PCDH15: variants seen among roughly 807,000 people sequenced by gnomAD.
PCDH15 encodes protocadherin related 15.
PCDH15 carries 129 observed loss-of-function variants against 178.5 expected under a neutral mutation model. The observed-to-expected ratio is 0.72, with a 90% CI of 0.63 to 0.84. PCDH15 has a LOEUF of 0.84. Ranked by LOEUF, PCDH15 falls within the 40% of genes least tolerant of loss-of-function variation. The pLI is 0.00. For synonymous variants in PCDH15, 800 were observed against 732.0 expected (o/e 1.09, Z -1.50); for missense variants, 2,230 against 2,099.9 (o/e 1.06, Z -1.21).
chr10:54,587,777 G>A (rs369100693), intron 2 of PCDH15, among the ~76,000 whole-genome samples: 1 of 151,966 alleles, frequency 6.6e-6, no homozygotes, highest in Admixed American at 6.6e-5. Context: ...AATTAAGAGG[G>A]AATTGGCCAG....
intron 3 of PCDH15, among the ~76,000 whole-genome samples, chr10:54,449,881 T>C (rs1027968546): frequency 6.6e-6 from 1 of 151,620 alleles, no homozygotes; most frequent in African/African-American, 2.4e-5. Context: ...CCATGGATAC[T>C]GAGAGACAAA....
At chr10:54,565,632 GA>G (rs2088910695) in intron 2 of PCDH15, among the ~76,000 whole-genome samples, 1 of 152,194 alleles carries the variant, frequency 6.6e-6, no homozygotes, top group Admixed American at 6.5e-5. Context: ...CTGGAATTAT[GA>G]AAATATTTTA....
intron 2 of PCDH15, among the ~76,000 whole-genome samples, chr10:55,035,489 A>T (rs538630809): frequency 2.0e-5 from 3 of 152,144 alleles, no homozygotes; most frequent in Non-Finnish European, 2.9e-5. Context: ...TTGAGACCCA[A>T]ATAAATTTGT....
intron 10 of PCDH15, among the ~76,000 whole-genome samples, chr10:54,207,365 T>C (rs1244578534): frequency 1.7e-4 from 4 of 23,926 alleles, no homozygotes; most frequent in Non-Finnish European, 2.1e-4. Flanking sequence ...TGTTTTGTTT[T>C]GTGTGTGTGT....
At chr10:54,126,624 T>A (rs1345288499) in intron 15 of PCDH15, among the ~76,000 whole-genome samples, 1 of 152,124 alleles carries the variant, frequency 6.6e-6, no homozygotes, top group Non-Finnish European at 1.5e-5. Flanking sequence ...AAACTAATGC[T>A]ACATTATAGG....
At chr10:53,888,067 AAAG>A (rs1417304201) in intron 26 of PCDH15, among the ~76,000 whole-genome samples, 2 of 151,704 alleles carry the variant, frequency 1.3e-5, no homozygotes, top group African/African-American at 4.8e-5. Context: ...GGGTTGTAAG[AAAG>A]AAGAGAATAT....
At chr10:54,714,149 TCAGA>T (rs1054787814) in intron 1 of PCDH15, among the ~76,000 whole-genome samples, 1 of 152,142 alleles carries the variant, frequency 6.6e-6, no homozygotes, top group African/African-American at 2.4e-5. Flanking sequence ...AAGAACAATG[TCAGA>T]CAGACTAAAG....
intron 14 of PCDH15, among the ~76,000 whole-genome samples, chr10:54,137,145 T>G (rs1304043963): frequency 2.6e-5 from 4 of 152,200 alleles, no homozygotes; most frequent in Admixed American, 2.0e-4. Context: ...ACAGCATCAT[T>G]TAAGCACTTA....
chr10:53,845,008 A>G (rs1360828851), intron 28 of PCDH15, among the ~76,000 whole-genome samples: 1 of 151,996 alleles, frequency 6.6e-6, no homozygotes, highest in East Asian at 1.9e-4. Context: ...CAGAATATAT[A>G]AGGAACTCAA....
chr10:54,718,461 C>T (rs1250638777), intron 1 of PCDH15, among the ~76,000 whole-genome samples: 13 of 151,940 alleles, frequency 8.6e-5, no homozygotes, highest in Admixed American at 8.5e-4. Flanking sequence ...AACCAAAGAA[C>T]TTATACAGAC....
rs573405883 is a variant in PCDH15 at position 53,961,235 on chromosome 10, T to TA, written c.3009+516_3009+517insT. ...ATTTTCTAGGATTGTAATATATCAA[T>TA]CTTATCTTAAAAAAGTGAGTAAGGG... On this transcript the variant is annotated intron_variant, in intron 22 of 37. Transcript: ENST00000644397. 2.2e-3 allele frequency among the ~76,000 whole-genome samples: 337 copies of TA among 152,090 alleles called. 2 individuals carry two copies. Among genetic ancestry groups the TA allele is most frequent in the African/African-American group, 7.6e-3 (315 of 41,532 alleles).
intron 1 of PCDH15, among the ~76,000 whole-genome samples, chr10:54,671,931 T>C (rs1053155508): frequency 1.3e-5 from 2 of 152,030 alleles, no homozygotes; most frequent in African/African-American, 2.4e-5. Context: ...GCAAGCAAAG[T>C]TTCATCTGTA....
chr10:53,808,476 ATAGGAAGGAT>A, intron 37 of PCDH15: 1 of 1,364,898 alleles, frequency 7.3e-7, no homozygotes. Flanking sequence ...ATTTACTAAT[ATAGGAAGGAT>A]TAGTCAGTTT....
intron 2 of PCDH15, among the ~76,000 whole-genome samples, chr10:55,406,970 G>T (rs188249314): frequency 2.0e-5 from 3 of 152,222 alleles, no homozygotes; most frequent in African/African-American, 7.2e-5. Context: ...AGTGATACAC[G>T]ATGCCAAATG....
intron 2 of PCDH15, among the ~76,000 whole-genome samples, chr10:55,615,901 C>A (rs1240659509): frequency 6.6e-6 from 1 of 151,936 alleles, no homozygotes; most frequent in Non-Finnish European, 1.5e-5. Flanking sequence ...GTCACATACA[C>A]AAAAGAAAAT....
intron 18 of PCDH15, among the ~76,000 whole-genome samples, chr10:54,052,497 T>C (rs1236977535): frequency 2.0e-5 from 3 of 152,232 alleles, no homozygotes; most frequent in Non-Finnish European, 4.4e-5. Flanking sequence ...AGCCCCTTTG[T>C]CTTGGCCAAT....
intron 2 of PCDH15, among the ~76,000 whole-genome samples, chr10:55,570,602 A>T (rs1842390888): frequency 6.6e-6 from 1 of 152,032 alleles, no homozygotes; most frequent in Non-Finnish European, 1.5e-5. Context: ...TCTGATTTAT[A>T]TATGACTTTT....
chr10:54,014,443 G>A (rs1589916768), intron 20 of PCDH15, among the ~76,000 whole-genome samples: 1 of 152,124 alleles, frequency 6.6e-6, no homozygotes, highest in Non-Finnish European at 1.5e-5. Context: ...ACCAAAACCT[G>A]GCAGAGACAC....
At chr10:54,628,896 C>G (rs1386428267) in intron 2 of PCDH15, among the ~76,000 whole-genome samples, 1 of 151,966 alleles carries the variant, frequency 6.6e-6, no homozygotes, top group Non-Finnish European at 1.5e-5. Context: ...TTAGGAATGG[C>G]CTATATTTGG....
Sources: gnomAD v4.1 joint callset for allele counts (sites outside exome capture counted in the v4.1 genomes callset) on GRCh38, gnomAD v4.1.1 for gene constraint, MANE v1.5 for transcripts, NCBI Gene and HGNC (gene_info 2026-07-23, HGNC 2026-07-21) for gene names.